Variants in ROBO2 observed in about 807,000 individuals in gnomAD.
The protein encoded by ROBO2 is roundabout homolog 2.
A neutral mutation model predicts 160.8 loss-of-function variants in ROBO2; 53 were observed. The observed-to-expected ratio is 0.33, with a 90% CI of 0.26 to 0.41. The LOEUF (loss-of-function observed/expected upper bound fraction) is 0.41, where lower values mean the gene tolerates loss of function less well. Among genes scored for constraint, ROBO2 ranks in the 10% least tolerant of loss-of-function variants. ROBO2 has a pLI of 1.00. For missense variants in ROBO2, 1,577 were observed against 1,722.4 expected, an observed-to-expected ratio of 0.92 and a Z score of 1.49; for synonymous variants, 664 against 611.7, an observed-to-expected ratio of 1.09 and a Z score of -1.26.
At chr3:77,564,197 A>C (rs1019334689) in intron 11 of ROBO2, among the ~76,000 whole-genome samples, 1 of 152,140 alleles carries the variant, frequency 6.6e-6, no homozygotes, top group Non-Finnish European at 1.5e-5. Flanking sequence ...AGTTAAGCAT[A>C]TCAGAAAAAT....
intron 2 of ROBO2, among the ~76,000 whole-genome samples, chr3:76,576,703 T>TTC (rs1464331900): frequency 7.4e-6 from 1 of 135,898 alleles, no homozygotes; most frequent in African/African-American, 2.9e-5. Flanking sequence ...TTTTCTTTCT[T>TTC]TTTTTTTTTT....
At chr3:76,437,012 C>A (rs760264330) in intron 2 of ROBO2, among the ~76,000 whole-genome samples, 4 of 152,130 alleles carry the variant, frequency 2.6e-5, no homozygotes, top group Admixed American at 2.0e-4. Flanking sequence ...AAATATTTAA[C>A]AGCTGTTTTA....
chr3:76,006,807 C>T (rs1465078118), intron 2 of ROBO2, among the ~76,000 whole-genome samples: 1 of 151,832 alleles, frequency 6.6e-6, no homozygotes, highest in Non-Finnish European at 1.5e-5. Flanking sequence ...TTTTTTGCTT[C>T]CTAAAATGCA....
At chr3:76,706,838 C>T (rs2093172680) in intron 2 of ROBO2, among the ~76,000 whole-genome samples, 1 of 151,986 alleles carries the variant, frequency 6.6e-6, no homozygotes, top group African/African-American at 2.4e-5. Flanking sequence ...ATGACAGCTT[C>T]TATTATCTTT....
At chr3:76,219,584 C>G (rs1446643633) in intron 2 of ROBO2, among the ~76,000 whole-genome samples, 1 of 152,220 alleles carries the variant, frequency 6.6e-6, no homozygotes, top group African/African-American at 2.4e-5. Flanking sequence ...AAATGCTCAT[C>G]TTCACTGGCC....
intron 2 of ROBO2, among the ~76,000 whole-genome samples, chr3:76,995,031 T>C (rs563788270): frequency 6.6e-6 from 1 of 152,250 alleles, no homozygotes. Context: ...ACATGTCCCA[T>C]GCTGGTTTGC....
chr3:77,449,109 G>T (rs899251519), intron 2 of ROBO2, among the ~76,000 whole-genome samples: 2 of 152,092 alleles, frequency 1.3e-5, no homozygotes, highest in African/African-American at 2.4e-5. Flanking sequence ...ACATGAAAAG[G>T]TGTAAAAATC....
intron 2 of ROBO2, among the ~76,000 whole-genome samples, chr3:76,296,695 G>A (rs573559760): frequency 3.3e-5 from 5 of 152,266 alleles, no homozygotes; most frequent in African/African-American, 4.8e-5. Context: ...TGCAACTATG[G>A]GAGTGTGACG....
intron 2 of ROBO2, among the ~76,000 whole-genome samples, chr3:76,735,787 G>GGGGA (rs1160059580): frequency 6.2e-5 from 1 of 16,196 alleles, no homozygotes; most frequent in African/African-American, 3.7e-4. Context: ...AAAAAAAAAA[G>GGGGA]GGGAAAGGGA....
At chr3:76,370,969 A>G (rs1382901856) in intron 2 of ROBO2, among the ~76,000 whole-genome samples, 1 of 151,820 alleles carries the variant, frequency 6.6e-6, no homozygotes, top group Non-Finnish European at 1.5e-5. Context: ...ATGATAACCT[A>G]TGTACCCTTC....
intron 2 of ROBO2, among the ~76,000 whole-genome samples, chr3:76,422,586 T>C (rs561448635): frequency 8.0e-4 from 122 of 152,340 alleles, no homozygotes; most frequent in African/African-American, 2.8e-3. Context: ...AATGGGATCA[T>C]GGCTATAAAA....
chr3:77,029,950 C>CTTTTTTTTTTTTT (rs965579096), intron 2 of ROBO2, among the ~76,000 whole-genome samples: 2 of 144,746 alleles, frequency 1.4e-5, no homozygotes, highest in Admixed American at 6.9e-5. Flanking sequence ...CCATTCAGTT[C>CTTTTTTTTTTTTT]TTTTTTTTTT....
At chr3:76,328,265 T>C (rs1472217525) in intron 2 of ROBO2, among the ~76,000 whole-genome samples, 1 of 152,302 alleles carries the variant, frequency 6.6e-6, no homozygotes, top group South Asian at 2.1e-4. Context: ...TATATACATA[T>C]TTAAAATGAG....
intron 2 of ROBO2, among the ~76,000 whole-genome samples, chr3:77,028,490 C>G (rs1395997942): frequency 1.3e-5 from 2 of 152,008 alleles, no homozygotes; most frequent in Non-Finnish European, 2.9e-5. Context: ...CTGAGGCAGG[C>G]GGATCACCTG....
intron 2 of ROBO2, among the ~76,000 whole-genome samples, chr3:76,176,668 A>G (rs1296705558): frequency 6.6e-6 from 1 of 152,126 alleles, no homozygotes; most frequent in Non-Finnish European, 1.5e-5. Context: ...ACAACTAAAA[A>G]TACTCCTTTT....
intron 2 of ROBO2, among the ~76,000 whole-genome samples, chr3:76,234,845 T>A (rs1186260945): frequency 2.0e-5 from 3 of 152,138 alleles, no homozygotes; most frequent in African/African-American, 7.2e-5. Flanking sequence ...TGCCTGTTCA[T>A]TATATTTTGG....
chr3:76,057,694 CA>C (rs2067900558), intron 2 of ROBO2, among the ~76,000 whole-genome samples: 1 of 152,056 alleles, frequency 6.6e-6, no homozygotes, highest in African/African-American at 2.4e-5. Flanking sequence ...CGCCGACCAA[CA>C]AGACCAGATT....
chr3:77,512,369 G>T (rs2153617003), intron 5 of ROBO2, among the ~76,000 whole-genome samples: 1 of 152,038 alleles, frequency 6.6e-6, no homozygotes. Flanking sequence ...TCTCAAAATT[G>T]AAAGAGGTAA....
intron 2 of ROBO2, among the ~76,000 whole-genome samples, chr3:76,323,549 C>A (rs1341823049): frequency 6.6e-6 from 1 of 152,040 alleles, no homozygotes; most frequent in Non-Finnish European, 1.5e-5. Context: ...GTAGAAAAAG[C>A]AAACCCTCTA....
Sources: allele counts gnomAD v4.1 joint callset (sites outside exome capture counted in the v4.1 genomes callset), GRCh38; gene constraint gnomAD v4.1.1; transcripts MANE v1.5; gene names NCBI Gene and HGNC (gene_info 2026-07-23, HGNC 2026-07-21).